TRIM13: variants seen among roughly 807,000 people sequenced by gnomAD.
The protein encoded by TRIM13 is tripartite motif containing 13.
TRIM13 carries 15 observed loss-of-function variants against 27.1 expected under a neutral mutation model. The observed-to-expected ratio is 0.55, with a 90% CI of 0.37 to 0.85. The LOEUF (loss-of-function observed/expected upper bound fraction) is 0.85. TRIM13 is among the 40% of genes least tolerant of loss of function. TRIM13 has a pLI of 0.00. For missense variants in TRIM13, 402 were observed against 472.2 expected, an observed-to-expected ratio of 0.85 and a Z score of 1.38; for synonymous variants, 193 against 171.5, an observed-to-expected ratio of 1.13 and a Z score of -0.98.
At position 50,012,299 on chromosome 13, in the gene TRIM13, G is replaced by T. The variant is rs199782947; in HGVS notation, c.359G>T (p.Arg120Leu). 1 of 1,613,986 alleles carries T rather than the reference G, an allele frequency of 6.2e-7. No homozygotes were observed. Among genetic ancestry groups the T allele is most frequent in the Non-Finnish European group, 8.5e-7 (1 of 1,179,988 alleles). Residue 120 changes from arginine to leucine, a missense_variant, in exon 2 of 2, where the codon CGT (arginine) becomes CTT (leucine). Arg to Leu is a moderately radical substitution (Grantham distance 102). This residue lies in a region of TRIM13 where 202 missense variants were observed against 277.5 expected (regional missense o/e 0.73). Coordinates refer to ENST00000378182, the MANE Select transcript of TRIM13 (RefSeq NM_213590.3). Reference protein sequence around the residue: ...MQLICGICATRGEHTKHVFCS... With the variant: ...MQLICGICATLGEHTKHVFCS... ...CTGATTTGTGGGATCTGTGCTACTC[G>T]TGGGGAGCACACCAAACATGTCTTC...
Position 50,012,468 on chromosome 13 carries a change from T to G in TRIM13, c.528T>G (p.Thr176=). 6.2e-7 allele frequency: 1 copy of G among 1,614,032 alleles called. No homozygotes were observed. The highest frequency in any genetic ancestry group is 8.5e-7 in the Non-Finnish European group (1 of 1,179,988). Residue 176 remains threonine, a synonymous_variant, in exon 2 of 2, where the codon ACT becomes ACG. Transcript: ENST00000378182. ...TSKRKSLQLL[T]KDSDKVKEFF... is the part of the protein sequence containing the mutation. ...AGAGGAAATCCCTACAGTTACTGAC[T>G]AAAGATTCAGATAAAGTGAAGGAAT...
At chr13:50,008,499 G>A (rs1461094563) in intron 1 of TRIM13, among the ~76,000 whole-genome samples, 3 of 151,830 alleles carry the variant, frequency 2.0e-5, no homozygotes, top group Non-Finnish European at 2.9e-5. Flanking sequence ...GTAGCCAGGC[G>A]TGGTGGTGCA....
Position 50,012,385 on chromosome 13 carries a change from T to C in TRIM13, c.445T>C (p.Phe149Leu). 1 of 1,614,138 alleles carries C rather than the reference T, an allele frequency of 6.2e-7. No individual in the cohort carries two copies. The highest frequency in any genetic ancestry group is 8.5e-7 in the Non-Finnish European group (1 of 1,180,018). The change falls in exon 2 of 2, where the codon TTT becomes CTT. Residue 149 changes from phenylalanine (F) to leucine (L), a missense_variant. Transcript: ENST00000378182. ...TGCCTTTGAGTCCCTCTTCCAGAGC[T>C]TTGAGACCTGGCGTCGGGGAGATGC... Reference protein sequence around the residue: ...RDAFESLFQSFETWRRGDALS... With the variant: ...RDAFESLFQSLETWRRGDALS...
At chr13:50,006,132 T>G (rs1874679623) in intron 1 of TRIM13, among the ~76,000 whole-genome samples, 1 of 146,126 alleles carries the variant, frequency 6.8e-6, no homozygotes, top group Admixed American at 6.7e-5. Context: ...TGATGCAATT[T>G]TTTTGAAGAT....
rs1875865483 is a variant in TRIM13, at chr13:50,013,075, T to C, written c.1135T>C (p.Phe379Leu). 6.2e-7 allele frequency: 1 copy of C among 1,613,416 alleles called. No individual in the cohort carries two copies. Among genetic ancestry groups the C allele is most frequent in the Non-Finnish European group, 8.5e-7 (1 of 1,179,800 alleles). ...TTACTGGGAACAGGTGACAGATGGG[T>C]TTTTCATTTTCAATGAAAGATTCAA... is the stretch of plus-strand genomic sequence containing the variant. ...VFYWEQVTDG[F>L]FIFNERFKNF... The change falls in exon 2 of 2, where the codon TTT becomes CTT. Residue 379 changes from phenylalanine (F) to leucine (L), a missense_variant. Physicochemically the swap from Phe to Leu is conservative, Grantham distance 22 (BLOSUM62 0). Around this residue, in one of 2 missense-constraint regions of TRIM13, gnomAD observed 200 missense variants for 194.7 expected, o/e 1.03. Transcript: ENST00000378182.
In TRIM13 at chr13:50,015,466, G is replaced by A. The variant is rs748126751; in HGVS notation, c.*2302G>A. 33 of 1,510,650 alleles carry A rather than the reference G, an allele frequency of 2.2e-5. No individual in the cohort carries two copies. Among genetic ancestry groups the A allele is most frequent in the Non-Finnish European group, 2.6e-5 (29 of 1,100,924 alleles). The allele number at this position is 1,510,650 out of a possible 1,614,324, so 93.6% of individuals were successfully genotyped here. ...GTTGATTTCCTAAGTGTGGCTGATG[G>A]TAGCCTCTAGTTTGAAGTGAGGGAA... On this transcript the variant is annotated 3_prime_UTR_variant, in exon 2 of 2. Transcript: ENST00000378182.
At chr13:50,006,129 AT>A (rs934007148) in intron 1 of TRIM13, among the ~76,000 whole-genome samples, 1 of 144,686 alleles carries the variant, frequency 6.9e-6, no homozygotes, top group Non-Finnish European at 1.5e-5. Context: ...TTTTGATGCA[AT>A]TTTTTTGAAG....
At chr13:50,010,452 GA>G (rs1173945883) in intron 1 of TRIM13, among the ~76,000 whole-genome samples, 3 of 152,168 alleles carry the variant, frequency 2.0e-5, no homozygotes, top group African/African-American at 7.2e-5. Context: ...GGTCTTTCGT[GA>G]ACTTCAAATG....
chr13:50,014,064 G>T lies in TRIM13; in HGVS notation c.*900G>T, dbSNP rs1876008876. On this transcript the variant is annotated 3_prime_UTR_variant, in exon 2 of 2. Coordinates refer to ENST00000378182, the MANE Select transcript of TRIM13 (RefSeq NM_213590.3). ...TTGTGATAAGTTTACATTTTTAGGA[G>T]AGTGGAGCTTTCAATCTGCCCTTTT... 1 of 166,492 alleles carries T rather than the reference G, an allele frequency of 6.0e-6. No homozygotes were observed. The highest frequency in any genetic ancestry group is 2.1e-4 in the South Asian group (1 of 4,814). The allele number at this position is 166,492 out of a possible 1,614,324, so 10.3% of individuals were successfully genotyped here. A position where few individuals can be genotyped will look rare whatever the true frequency, so the allele number is the denominator to read the frequency against.
At chr13:50,003,020 A>G (rs1874239804) in intron 1 of TRIM13, among the ~76,000 whole-genome samples, 1 of 152,052 alleles carries the variant, frequency 6.6e-6, no homozygotes, top group South Asian at 2.1e-4. Flanking sequence ...AGTCCCAGCT[A>G]CTCTGGAGGC....
chr13:50,014,758 C>T lies in TRIM13; in HGVS notation c.*1594C>T, dbSNP rs1876167335. 1 of 166,648 alleles carries T rather than the reference C, an allele frequency of 6.0e-6. No homozygotes were observed. The highest frequency in any genetic ancestry group is 2.1e-4 in the South Asian group (1 of 4,816). The allele number at this position is 166,648 out of a possible 1,614,324, so 10.3% of individuals were successfully genotyped here. A position where few individuals can be genotyped will look rare whatever the true frequency, so the allele number is the denominator to read the frequency against. Reference sequence around the variant, plus strand: ...CATAGAGTAAGATATTCCTTGAAAGCCCATTAAGTGGAATAGACTTTCTGA... The same window carrying T: ...CATAGAGTAAGATATTCCTTGAAAGTCCATTAAGTGGAATAGACTTTCTGA... On this transcript the variant is annotated 3_prime_UTR_variant, in exon 2 of 2. Transcript: ENST00000378182.
In TRIM13 at chr13:50,012,212, T is replaced by C. The variant is rs899526550; in HGVS notation, c.272T>C (p.Met91Thr). 6.2e-7 allele frequency: 1 copy of C among 1,614,178 alleles called. No homozygotes were observed. Among genetic ancestry groups the C allele is most frequent in the African/African-American group, 1.3e-5 (1 of 75,054 alleles). Residue 91 changes from methionine to threonine, a missense_variant, in exon 2 of 2, where the codon ATG (methionine) becomes ACG (threonine). Transcript: ENST00000378182. ...AACAAGATCAAGATCTCTCCCAAAA[T>C]GCCAGTATGCAAAGGACACTTGGGG... ...KYNKIKISPKMPVCKGHLGQP... is the reference protein window; with the variant it reads ...KYNKIKISPKTPVCKGHLGQP...
chr13:50,002,248 A>G (rs1594559890), intron 1 of TRIM13, among the ~76,000 whole-genome samples: 1 of 152,118 alleles, frequency 6.6e-6, no homozygotes, highest in South Asian at 2.1e-4. Flanking sequence ...AATGAGCCTG[A>G]CGTGGTGGCA....
At chr13:50,010,046 T>C (rs1027814992) in intron 1 of TRIM13, among the ~76,000 whole-genome samples, 8 of 142,448 alleles carry the variant, frequency 5.6e-5, no homozygotes, top group Admixed American at 2.1e-4. Context: ...TAATCTTTTT[T>C]TTTTTTTTTT....
intron 1 of TRIM13, among the ~76,000 whole-genome samples, chr13:50,010,953 C>G (rs1875552334): frequency 6.6e-6 from 1 of 152,118 alleles, no homozygotes; most frequent in Non-Finnish European, 1.5e-5. Flanking sequence ...CCTATTTTGT[C>G]ACGCAATATA....
chr13:50,015,305 C>T lies in TRIM13; in HGVS notation c.*2141C>T. The T allele has an allele frequency of 2.1e-6, 1 of 485,794 alleles. No individual in the cohort carries two copies. The highest frequency in any genetic ancestry group is 3.7e-6 in the Non-Finnish European group (1 of 270,164). The allele number at this position is 485,794 out of a possible 1,614,324, so 30.1% of individuals were successfully genotyped here. On this transcript the variant is annotated 3_prime_UTR_variant, in exon 2 of 2. Coordinates refer to ENST00000378182, the MANE Select transcript of TRIM13 (RefSeq NM_213590.3). Reference sequence around the variant, plus strand: ...TTGTATACTGCAAGTTCCCAGGCAACTCGAATTTGCAAACACAGCCATGGA... The same window carrying T: ...TTGTATACTGCAAGTTCCCAGGCAATTCGAATTTGCAAACACAGCCATGGA...
At chr13:50,005,507 C>T (rs2138370195) in intron 1 of TRIM13, among the ~76,000 whole-genome samples, 1 of 151,844 alleles carries the variant, frequency 6.6e-6, no homozygotes, top group South Asian at 2.1e-4. Context: ...AACCCTGTCT[C>T]TACTAAAAAT....
chr13:50,009,512 G>C (rs536310679), intron 1 of TRIM13, among the ~76,000 whole-genome samples: 1 of 152,104 alleles, frequency 6.6e-6, no homozygotes, highest in Non-Finnish European at 1.5e-5. Flanking sequence ...TGAGGCGGAT[G>C]GATCACCTGA....
chr13:50,014,360 T>TATATATATATATGTACAC lies in TRIM13; in HGVS notation c.*1197_*1198insTATATATATATGTACACA, dbSNP rs879170111. The TATATATATATATGTACAC allele has an allele frequency of 1.7e-5, 1 of 58,542 alleles. No homozygotes were observed. Among genetic ancestry groups the TATATATATATATGTACAC allele is most frequent in the African/African-American group, 7.2e-5 (1 of 13,964 alleles). 3.6% of individuals were successfully genotyped at this position (58,542 alleles called of 1,614,324 possible). ...AAAAAAAAAAATATATATATATATA[T>TATATATATATATGTACAC]ACACACACACACACACATATGTACA... On this transcript the variant is annotated 3_prime_UTR_variant, in exon 2 of 2. Transcript: ENST00000378182.
Sources: allele counts gnomAD v4.1 joint callset (sites outside exome capture counted in the v4.1 genomes callset), GRCh38; gene constraint gnomAD v4.1.1; regional missense constraint gnomAD v4.1.1; transcripts MANE v1.5; gene names NCBI Gene and HGNC (gene_info 2026-07-23, HGNC 2026-07-21).